Variants in GMDS observed in about 807,000 individuals in gnomAD.
GMDS encodes the protein GDP-mannose 4,6 dehydratase.
Under a neutral mutation model 49.9 loss-of-function variants are expected in GMDS, and 20 were observed. The ratio of observed to expected loss-of-function variants is 0.40; its 90% CI spans 0.28 to 0.58. The LOEUF is 0.58. GMDS is among the 20% of genes least tolerant of loss of function. The probability of loss-of-function intolerance (pLI) is 0.42; values close to 1 mark genes in which losing one functional copy is unlikely to be tolerated. For synonymous variants in GMDS, 177 were observed against 178.6 expected (o/e 0.99, Z 0.07); for missense variants, 362 against 481.4 (o/e 0.75, Z 2.32).
chr6:1,890,906 A>G (rs1759840097), intron 7 of GMDS, among the ~76,000 whole-genome samples: 2 of 152,218 alleles, frequency 1.3e-5, no homozygotes, highest in South Asian at 4.1e-4. Flanking sequence ...TGATGCCTCA[A>G]TTTTAGCACT....
intron 1 of GMDS, among the ~76,000 whole-genome samples, chr6:2,189,141 G>A (rs1171222636): frequency 6.6e-6 from 1 of 152,152 alleles, no homozygotes; most frequent in Non-Finnish European, 1.5e-5. Flanking sequence ...ACAGGAAAGG[G>A]ACAAGGATAG....
At position 1,865,269 on chromosome 6, in the gene GMDS, C is replaced by T. The variant is rs562113943; in HGVS notation, c.771+64834G>A. Reference sequence around the variant, plus strand: ...CCTATTTCTCTTTCATTTCTCCAACCTAGCAGATTTGTAATAGCAGAAAAA... The same window carrying T: ...CCTATTTCTCTTTCATTTCTCCAACTTAGCAGATTTGTAATAGCAGAAAAA... On this transcript the variant is annotated intron_variant, in intron 7 of 10. Transcript: ENST00000380815. Among the ~76,000 whole-genome samples, 10 of 152,268 alleles carry T rather than the reference C, an allele frequency of 6.6e-5. No homozygotes were observed. The South Asian group carries it at 1.9e-3, about 28-fold the overall frequency.
intron 4 of GMDS, among the ~76,000 whole-genome samples, chr6:2,034,692 C>G (rs1197866083): frequency 6.6e-6 from 1 of 152,152 alleles, no homozygotes; most frequent in African/African-American, 2.4e-5. Context: ...AGAGAGTGTC[C>G]AAGACACTTC....
At chr6:2,164,526 T>C (rs1018066401) in intron 1 of GMDS, among the ~76,000 whole-genome samples, 2 of 152,170 alleles carry the variant, frequency 1.3e-5, no homozygotes, top group South Asian at 2.1e-4. Context: ...GCTACTCCCA[T>C]TGGGGGTGGA....
At chr6:2,001,237 G>T (rs1766800456) in intron 4 of GMDS, among the ~76,000 whole-genome samples, 2 of 152,116 alleles carry the variant, frequency 1.3e-5, no homozygotes, top group African/African-American at 2.4e-5. Context: ...TTTCCCTAAT[G>T]ACTAATGATG....
At chr6:1,827,956 TA>T (rs1380587781) in intron 7 of GMDS, among the ~76,000 whole-genome samples, 1 of 151,918 alleles carries the variant, frequency 6.6e-6, no homozygotes, top group African/African-American at 2.4e-5. Flanking sequence ...TAAAATGACA[TA>T]AAACATACCT....
chr6:2,182,565 AATT>A (rs2127562525), intron 1 of GMDS, among the ~76,000 whole-genome samples: 1 of 152,314 alleles, frequency 6.6e-6, no homozygotes, highest in African/African-American at 2.4e-5. Flanking sequence ...CAATTCCAAA[AATT>A]ATAAGGCCCT....
At chr6:2,146,296 C>A (rs1776555558) in intron 1 of GMDS, among the ~76,000 whole-genome samples, 1 of 151,992 alleles carries the variant, frequency 6.6e-6, no homozygotes, top group South Asian at 2.1e-4. Flanking sequence ...GTAGGATATA[C>A]CTTGAAGACA....
chr6:2,024,580 T>C (rs1444448990), intron 4 of GMDS, among the ~76,000 whole-genome samples: 1 of 152,006 alleles, frequency 6.6e-6, no homozygotes, highest in Non-Finnish European at 1.5e-5. Context: ...CTTCATCAAG[T>C]ATGCATGTTA....
chr6:2,224,527 C>G (rs1276101808), intron 1 of GMDS, among the ~76,000 whole-genome samples: 1 of 152,182 alleles, frequency 6.6e-6, no homozygotes, highest in Non-Finnish European at 1.5e-5. Context: ...TACATATATT[C>G]TAAAGAGTGC....
At chr6:2,083,911 A>G (rs1772859255) in intron 4 of GMDS, among the ~76,000 whole-genome samples, 1 of 152,220 alleles carries the variant, frequency 6.6e-6, no homozygotes, top group Admixed American at 6.5e-5. Context: ...AAATTATTCA[A>G]CTTGAATAAG....
chr6:1,823,573 CA>C (rs1224630127), intron 7 of GMDS, among the ~76,000 whole-genome samples: 2 of 152,162 alleles, frequency 1.3e-5, no homozygotes, highest in African/African-American at 4.8e-5. Context: ...TCCTACCCCC[CA>C]CCACTGCCCA....
At chr6:1,856,146 A>G (rs1443984767) in intron 7 of GMDS, among the ~76,000 whole-genome samples, 1 of 152,218 alleles carries the variant, frequency 6.6e-6, no homozygotes, top group Non-Finnish European at 1.5e-5. Context: ...TTTTGGAATT[A>G]TGGCTGGTGA....
intron 8 of GMDS, 34 bp from the exon 9 acceptor site, chr6:1,726,546 A>T (rs780644178): frequency 1.4e-6 from 2 of 1,478,486 alleles, no homozygotes; most frequent in Non-Finnish European, 1.9e-6. Context: ...TCAGCTCCTA[A>T]TTGCTTGGGA....
intron 9 of GMDS, among the ~76,000 whole-genome samples, chr6:1,719,155 A>G (rs556178818): frequency 6.6e-6 from 1 of 152,346 alleles, no homozygotes; most frequent in South Asian, 2.1e-4. Context: ...TAGGAGGCAG[A>G]TCAGAGCTAC....
intron 7 of GMDS, among the ~76,000 whole-genome samples, chr6:1,911,488 G>GA (rs1761051283): frequency 6.6e-6 from 1 of 151,100 alleles, no homozygotes; most frequent in African/African-American, 2.4e-5. Flanking sequence ...TGTCAAACAG[G>GA]AAAAAAATGG....
intron 7 of GMDS, among the ~76,000 whole-genome samples, chr6:1,860,259 G>C (rs893875351): frequency 6.6e-6 from 1 of 152,084 alleles, no homozygotes; most frequent in African/African-American, 2.4e-5. Flanking sequence ...AAAATAAGTT[G>C]ATCTATACAA....
intron 9 of GMDS, among the ~76,000 whole-genome samples, chr6:1,663,030 CCTTT>C (rs1289512760): frequency 6.6e-6 from 1 of 152,160 alleles, no homozygotes; most frequent in Non-Finnish European, 1.5e-5. Context: ...AGGGGTTTGA[CCTTT>C]CTGTTTCAAA....
chr6:1,825,527 C>T (rs1248993300), intron 7 of GMDS, among the ~76,000 whole-genome samples: 1 of 152,076 alleles, frequency 6.6e-6, no homozygotes, highest in Admixed American at 6.5e-5. Context: ...TTGTTGGGCC[C>T]AAATCACACA....
Sources: allele counts gnomAD v4.1 joint callset (sites outside exome capture counted in the v4.1 genomes callset), GRCh38; gene constraint gnomAD v4.1.1; transcripts MANE v1.5; gene names NCBI Gene and HGNC (gene_info 2026-07-23, HGNC 2026-07-21).